Variants in EVA1A observed in about 807,000 individuals in gnomAD.
The protein encoded by EVA1A is eva-1 homolog A, regulator of programmed cell death.
In EVA1A, 7 loss-of-function variants were observed where a neutral mutation model predicts 9.8. The ratio of observed to expected loss-of-function variants is 0.71; its 90% CI spans 0.41 to 1.34. The LOEUF (loss-of-function observed/expected upper bound fraction) is 1.34, where lower values mean the gene tolerates loss of function less well. Ranked by LOEUF, EVA1A falls within the 40% of genes most tolerant of loss-of-function variation. The pLI, the probability that EVA1A is intolerant of heterozygous loss-of-function variation, is 0.01. For missense variants in EVA1A, 206 were observed against 205.9 expected (o/e 1.00, Z 0.00); for synonymous variants, 90 against 85.6 (o/e 1.05, Z -0.28).
intron 1 of EVA1A, among the ~76,000 whole-genome samples, chr2:75,551,146 AAAAC>A (rs1676507413): frequency 6.6e-6 from 1 of 152,090 alleles, no homozygotes; most frequent in African/African-American, 2.4e-5. Flanking sequence ...CAAAACAAAA[AAAAC>A]CAAAAAAAAC....
intron 1 of EVA1A, among the ~76,000 whole-genome samples, chr2:75,532,673 A>C (rs940405294): frequency 2.0e-5 from 3 of 152,258 alleles, no homozygotes; most frequent in African/African-American, 7.2e-5. Context: ...CTGGAGCTCC[A>C]GAATGAAAGA....
intron 3 of EVA1A, among the ~76,000 whole-genome samples, chr2:75,506,184 G>A (rs183728085): frequency 6.6e-6 from 1 of 152,154 alleles, no homozygotes; most frequent in African/African-American, 2.4e-5. Flanking sequence ...TTGTTATGAG[G>A]AAATATTTTT....
chr2:75,493,330 T>C lies in EVA1A; in HGVS notation c.365A>G (p.Gln122Arg). The C allele has an allele frequency of 6.2e-7, 1 of 1,614,196 alleles. No individual in the cohort carries two copies. The highest frequency in any genetic ancestry group is 1.1e-5 in the South Asian group (1 of 91,092). The change falls in exon 4 of 4, where the codon CAG becomes CGG. Residue 122 changes from glutamine (Q) to arginine (R), a missense_variant. Coordinates refer to ENST00000393913, the MANE Select transcript of EVA1A (RefSeq NM_001135032.2). ...FTSAEELERA[Q>R]RLEERERIIR... Reference sequence around the variant, plus strand: ...GATGCGCTCGCGCTCCTCCAGCCGCTGGGCGCGCTCCAGCTCCTCCGCAGA... The same window carrying C: ...GATGCGCTCGCGCTCCTCCAGCCGCCGGGCGCGCTCCAGCTCCTCCGCAGA...
chr2:75,561,482 T>C (rs1676920626), upstream of EVA1A, among the ~76,000 whole-genome samples: 1 of 152,098 alleles, frequency 6.6e-6, no homozygotes, highest in Non-Finnish European at 1.5e-5. Context: ...GTTTGGCCTT[T>C]CTCTTTCAGG....
intron 1 of EVA1A, among the ~76,000 whole-genome samples, chr2:75,556,072 G>C (rs1358449140): frequency 6.6e-6 from 1 of 152,146 alleles, no homozygotes; most frequent in Non-Finnish European, 1.5e-5. Flanking sequence ...CAATCTTAAT[G>C]GTACAAACCA....
At chr2:75,556,944 T>C (rs775725214) in intron 1 of EVA1A, among the ~76,000 whole-genome samples, 5 of 152,168 alleles carry the variant, frequency 3.3e-5, no homozygotes, top group Admixed American at 6.5e-5. Context: ...GACCTCACCA[T>C]GGGGATCTGA....
intron 1 of EVA1A, among the ~76,000 whole-genome samples, chr2:75,567,647 C>G (rs725774): frequency 0.91 from 138,241 of 152,270 alleles, 62,835 homozygotes; most frequent in East Asian, 0.96. Flanking sequence ...TCCATTCTTC[C>G]ATTCATAGAT....
At chr2:75,567,150 A>G (rs546464616) in intron 1 of EVA1A, among the ~76,000 whole-genome samples, 46 of 152,348 alleles carry the variant, frequency 3.0e-4, no homozygotes, top group Admixed American at 2.6e-4. Context: ...TCAATAAGAT[A>G]AATATTTTTA....
intron 1 of EVA1A, among the ~76,000 whole-genome samples, chr2:75,553,223 G>T (rs1340475738): frequency 6.6e-6 from 1 of 152,152 alleles, no homozygotes; most frequent in East Asian, 1.9e-4. Context: ...TGTTGTCTTG[G>T]ACTCACCTGC....
chr2:75,567,062 A>G (rs574714091), intron 1 of EVA1A, among the ~76,000 whole-genome samples: 15 of 152,348 alleles, frequency 9.8e-5, no homozygotes, highest in African/African-American at 2.6e-4. Flanking sequence ...AGATGCCTAG[A>G]GAAAATGCTA....
rs75068567 is a variant in EVA1A at position 75,497,748 on chromosome 2, G to A, written c.86-4139C>T. ...CACCTGTAGTCCCAGCTACTTCTGGGGCTGAGGCAGGAGGATCGCTTGAGC... is the reference window on the plus strand; with the variant it reads ...CACCTGTAGTCCCAGCTACTTCTGGAGCTGAGGCAGGAGGATCGCTTGAGC... On this transcript the variant is annotated intron_variant, in intron 3 of 3. Transcript: ENST00000393913. Among the ~76,000 whole-genome samples the A allele has an allele frequency of 6.5e-3, 981 of 150,848 alleles. 8 individuals carry two copies. The highest frequency in any genetic ancestry group is 0.023 in the African/African-American group (930 of 40,926).
At chr2:75,543,282 A>C (rs1437466872) in intron 1 of EVA1A, among the ~76,000 whole-genome samples, 1 of 152,110 alleles carries the variant, frequency 6.6e-6, no homozygotes, top group Non-Finnish European at 1.5e-5. Flanking sequence ...TTCTATTCCT[A>C]ATCAGTGGGG....
chr2:75,538,942 A>G (rs1676014081), intron 1 of EVA1A, among the ~76,000 whole-genome samples: 1 of 152,222 alleles, frequency 6.6e-6, no homozygotes, highest in Admixed American at 6.5e-5. Context: ...CAATGTCAAC[A>G]TCCCGGTTGT....
intron 3 of EVA1A, among the ~76,000 whole-genome samples, chr2:75,508,861 G>A (rs1345532452): frequency 6.6e-6 from 1 of 152,052 alleles, no homozygotes; most frequent in East Asian, 1.9e-4. Context: ...AGGGAAAATA[G>A]AAAAGAACCT....
At chr2:75,540,768 C>T in intron 1 of EVA1A, 1 of 152,166 alleles carries the variant, frequency 6.6e-6, no homozygotes, top group Non-Finnish European at 1.5e-5. Flanking sequence ...AAGGAAGCTC[C>T]CATGGAATCG....
chr2:75,533,936 C>G (rs1175350099), intron 1 of EVA1A, among the ~76,000 whole-genome samples: 1 of 151,840 alleles, frequency 6.6e-6, no homozygotes, highest in East Asian at 1.9e-4. Context: ...CTCAGCCTCC[C>G]GAGTAGCTGG....
At chr2:75,562,967 A>C (rs1676955580), upstream of EVA1A, among the ~76,000 whole-genome samples, 1 of 152,214 alleles carries the variant, frequency 6.6e-6, no homozygotes, top group Non-Finnish European at 1.5e-5. Flanking sequence ...GATGGGCCCT[A>C]ATCTTGAGCC....
At chr2:75,546,864 C>T (rs184450965) in intron 1 of EVA1A, among the ~76,000 whole-genome samples, 12 of 139,526 alleles carry the variant, frequency 8.6e-5, no homozygotes, top group Admixed American at 5.6e-4. Flanking sequence ...ACACACACAG[C>T]GAAGATGATG....
chr2:75,524,750 C>T (rs987777287), intron 1 of EVA1A, among the ~76,000 whole-genome samples: 2 of 152,014 alleles, frequency 1.3e-5, no homozygotes, highest in African/African-American at 2.4e-5. Flanking sequence ...TCATTCTGAC[C>T]TTCCTTCCTT....
Sources: gnomAD v4.1 joint callset for allele counts (sites outside exome capture counted in the v4.1 genomes callset) on GRCh38, gnomAD v4.1.1 for gene constraint, MANE v1.5 for transcripts, NCBI Gene and HGNC (gene_info 2026-07-23, HGNC 2026-07-21) for gene names.